KIRREL3: variants seen among roughly 807,000 people sequenced by gnomAD.
KIRREL3 encodes kirre like nephrin family adhesion molecule 3.
In KIRREL3, 36 loss-of-function variants were observed where a neutral mutation model predicts 89.7. The observed-to-expected ratio is 0.40, with a 90% confidence interval of 0.31 to 0.53. The LOEUF is 0.53. Among genes scored for constraint, KIRREL3 ranks in the 20% least tolerant of loss-of-function variants. The probability of loss-of-function intolerance (pLI) is 0.49; values close to 1 mark genes in which losing one functional copy is unlikely to be tolerated. For missense variants in KIRREL3, 864 were observed against 1,056.6 expected (o/e 0.82, Z 2.53); for synonymous variants, 445 against 441.4 (o/e 1.01, Z -0.10).
At position 126,805,251 on chromosome 11, in the gene KIRREL3, G is replaced by A. The variant is rs1951168575; in HGVS notation, c.55+195204C>T. On this transcript the variant is annotated intron_variant, in intron 1 of 16. Coordinates refer to ENST00000525144, the MANE Select transcript of KIRREL3 (RefSeq NM_032531.4). The surrounding 1 kb of genome is among the most constrained non-coding windows in gnomAD (Gnocchi z 4.3). ...GATGACAAGTGTTCTAAAAACTATA[G>A]AGGACTTGTTTATGAAATTAGGGCT... 6.6e-6 allele frequency among the ~76,000 whole-genome samples: 1 copy of A among 152,160 alleles called. No individual in the cohort carries two copies. Among genetic ancestry groups the A allele is most frequent in the Admixed American group, 6.5e-5 (1 of 15,272 alleles).
intron 1 of KIRREL3, among the ~76,000 whole-genome samples, chr11:126,633,627 C>G (rs1944142220): frequency 6.6e-6 from 1 of 152,186 alleles, no homozygotes; most frequent in African/African-American, 2.4e-5. Flanking sequence ...CTGAAGCCCT[C>G]ACCAAAAGAA....
In KIRREL3 at chr11:126,641,316, G is replaced by T. The variant is rs1944460272; in HGVS notation, c.56-78404C>A. On this transcript the variant is annotated intron_variant, in intron 1 of 16. Coordinates refer to ENST00000525144, the MANE Select transcript of KIRREL3 (RefSeq NM_032531.4). This position sits in a 1 kb window ranked among gnomAD's most constrained non-coding sequence, Gnocchi z 5.0. ...CTCATCACTTGTTGCTCAGATGGTT[G>T]TTACAGTCATGGTTCTGGGTTTAGC... 6.6e-6 allele frequency among the ~76,000 whole-genome samples: 1 copy of T among 151,624 alleles called. No individual in the cohort carries two copies. Among genetic ancestry groups the T allele is most frequent in the Non-Finnish European group, 1.5e-5 (1 of 67,990 alleles).
rs898107754 is a variant in KIRREL3, at chr11:126,900,554, G to GA, written c.55+99900dup. Among the ~76,000 whole-genome samples the GA allele has an allele frequency of 2.6e-5, 4 of 151,770 alleles. No homozygotes were observed. The highest frequency in any genetic ancestry group is 1.9e-4 in the East Asian group (1 of 5,194). On this transcript the variant is annotated intron_variant, in intron 1 of 16. Transcript: ENST00000525144. This position sits in a 1 kb window ranked among gnomAD's most constrained non-coding sequence, Gnocchi z 4.4. ...CTTCTGAGGCCTGTTTTCTCTGTTGGAAAAAAAATAGATTTAAGATAATGG... is the reference window on the plus strand; with the variant it reads ...CTTCTGAGGCCTGTTTTCTCTGTTGGAAAAAAAAATAGATTTAAGATAATGG...
intron 1 of KIRREL3, among the ~76,000 whole-genome samples, chr11:126,845,096 G>T (rs1217233146): frequency 6.6e-6 from 1 of 152,200 alleles, no homozygotes; most frequent in Non-Finnish European, 1.5e-5. Context: ...GGGCCCAACT[G>T]GGGGCAAGTT....
At position 126,649,903 on chromosome 11, in the gene KIRREL3, CCCCTG is replaced by C. The variant is rs1944843000; in HGVS notation, c.56-86996_56-86992del. 2.0e-5 allele frequency among the ~76,000 whole-genome samples: 3 copies of C among 152,240 alleles called. No individual in the cohort carries two copies. In the South Asian group the frequency reaches 6.2e-4, roughly 32 times the overall value. Reference sequence around the variant, plus strand: ...GCAGAAGTTCTCCATGAGGTTCCCACCCCTGCAGCAAACTTCTGCCTGGGCATCCA... The same window carrying C: ...GCAGAAGTTCTCCATGAGGTTCCCACCAGCAAACTTCTGCCTGGGCATCCA... On this transcript the variant is annotated intron_variant, in intron 1 of 16. Transcript: ENST00000525144.
chr11:126,505,062 T>C (rs1282296473), intron 4 of KIRREL3, among the ~76,000 whole-genome samples: 1 of 152,214 alleles, frequency 6.6e-6, no homozygotes. Flanking sequence ...TTTAAAATAG[T>C]GAAAGATTGG....
In KIRREL3 at chr11:126,748,210, T is replaced by C. The variant is rs2134237968; in HGVS notation, c.56-185298A>G. Among the ~76,000 whole-genome samples the C allele has an allele frequency of 6.6e-6, 1 of 152,364 alleles. No homozygotes were observed. Among genetic ancestry groups the C allele is most frequent in the South Asian group, 2.1e-4 (1 of 4,824 alleles). On this transcript the variant is annotated intron_variant, in intron 1 of 16. Transcript: ENST00000525144. This position sits in a 1 kb window ranked among gnomAD's most constrained non-coding sequence, Gnocchi z 4.6. Reference sequence around the variant, plus strand: ...GGCAAGAAGCTGCCTGGATGCTTTCTGGCCTTCTGGGTGTGCAGACAATCT... The same window carrying C: ...GGCAAGAAGCTGCCTGGATGCTTTCCGGCCTTCTGGGTGTGCAGACAATCT...
In KIRREL3 at chr11:126,769,467, G is replaced by A. The variant is rs781653845; in HGVS notation, c.56-206555C>T. ...CATCAAGAAGAGGGGCCCACTCCCC[G>A]TGAAAACCGTGCACTCCTGTCTTCT... On this transcript the variant is annotated intron_variant, in intron 1 of 16. Transcript: ENST00000525144. This position sits in a 1 kb window ranked among gnomAD's most constrained non-coding sequence, Gnocchi z 4.3. Among the ~76,000 whole-genome samples, 7 of 152,116 alleles carry A rather than the reference G, an allele frequency of 4.6e-5. No homozygotes were observed. The highest frequency in any genetic ancestry group is 1.3e-4 in the Admixed American group (2 of 15,270).
intron 1 of KIRREL3, among the ~76,000 whole-genome samples, chr11:126,998,736 T>A (rs1010180484): frequency 5.3e-5 from 8 of 152,190 alleles, no homozygotes; most frequent in Admixed American, 2.0e-4. Context: ...CTTATGCCAA[T>A]CTACATAAGT....
rs1032244203 is a variant in KIRREL3, at chr11:126,903,628, T to C, written c.55+96827A>G. ...GGAAACAAAAAAGCTGTAGCCTCTT[T>C]GCTGAGCTCCTGGAGACATTTGGTC... is the stretch of plus-strand genomic sequence containing the variant. On this transcript the variant is annotated intron_variant, in intron 1 of 16. Coordinates refer to ENST00000525144, the MANE Select transcript of KIRREL3 (RefSeq NM_032531.4). The surrounding 1 kb of genome is among the most constrained non-coding windows in gnomAD (Gnocchi z 4.5). Among the ~76,000 whole-genome samples, 13 of 152,242 alleles carry C rather than the reference T, an allele frequency of 8.5e-5. No homozygotes were observed. Among genetic ancestry groups the C allele is most frequent in the Admixed American group, 8.5e-4 (13 of 15,286 alleles).
At chr11:126,851,674 G>A (rs1315324404) in intron 1 of KIRREL3, among the ~76,000 whole-genome samples, 1 of 152,166 alleles carries the variant, frequency 6.6e-6, no homozygotes, top group Non-Finnish European at 1.5e-5. Context: ...ATCTTCCAGT[G>A]TGGTTTTCTG....
chr11:126,699,828 C>T (rs1160083933), intron 1 of KIRREL3, among the ~76,000 whole-genome samples: 1 of 152,132 alleles, frequency 6.6e-6, no homozygotes, highest in African/African-American at 2.4e-5. Flanking sequence ...ATTCGCTAAA[C>T]ACTTTCACAT....
chr11:127,001,538 C>G (rs1428084192), upstream of KIRREL3, among the ~76,000 whole-genome samples: 1 of 152,052 alleles, frequency 6.6e-6, no homozygotes, highest in Admixed American at 6.6e-5. Context: ...TCACTCTGAG[C>G]CTGTCTTTTC....
At chr11:126,602,599 A>G (rs147983699) in intron 1 of KIRREL3, among the ~76,000 whole-genome samples, 1,976 of 152,180 alleles carry the variant, frequency 0.013, 19 homozygotes, top group South Asian at 0.041. Context: ...TTTGGCTTGA[A>G]CGCCTCTGAT....
rs925601877 is a variant in KIRREL3, at chr11:126,601,199, C to T, written c.56-38287G>A. Among the ~76,000 whole-genome samples, 2 of 152,194 alleles carry T rather than the reference C, an allele frequency of 1.3e-5. No individual in the cohort carries two copies. The highest frequency in any genetic ancestry group is 2.9e-5 in the Non-Finnish European group (2 of 68,038). On this transcript the variant is annotated intron_variant, in intron 1 of 16. Transcript: ENST00000525144. This position sits in a 1 kb window ranked among gnomAD's most constrained non-coding sequence, Gnocchi z 5.8. ...CTAAGGGAGAGAATTTATGTCTCTT[C>T]ATGCTCTTGTTGACAATAATAACTG... is the stretch of plus-strand genomic sequence containing the variant.
intron 4 of KIRREL3, among the ~76,000 whole-genome samples, chr11:126,481,227 C>T (rs56133836): frequency 0.089 from 13,490 of 152,202 alleles, 1,963 homozygotes; most frequent in African/African-American, 0.3. Context: ...AATTGGCCTC[C>T]GGGATTCCCT....
intron 1 of KIRREL3, among the ~76,000 whole-genome samples, chr11:126,878,495 A>G (rs996248498): frequency 1.1e-4 from 17 of 152,310 alleles, no homozygotes; most frequent in African/African-American, 3.6e-4. Context: ...ATAGAGCATG[A>G]AAGGACATGA....
chr11:126,650,275 C>T (rs1036143639), intron 1 of KIRREL3, among the ~76,000 whole-genome samples: 1 of 152,218 alleles, frequency 6.6e-6, no homozygotes, highest in Admixed American at 6.5e-5. Context: ...GATTAACATT[C>T]GACTCCTCAT....
At chr11:126,871,975 A>G (rs1803574338) in intron 1 of KIRREL3, among the ~76,000 whole-genome samples, 1 of 152,228 alleles carries the variant, frequency 6.6e-6, no homozygotes, top group African/African-American at 2.4e-5. Context: ...GTTTCACCAC[A>G]GTTCCCTGGA....
Sources: gnomAD v4.1 joint callset for allele counts (sites outside exome capture counted in the v4.1 genomes callset) on GRCh38, gnomAD v4.1.1 for gene constraint, Gnocchi (gnomAD v3.1) non-coding constraint, MANE v1.5 for transcripts, NCBI Gene and HGNC (gene_info 2026-07-23, HGNC 2026-07-21) for gene names.